SPTBN4: variants seen among roughly 807,000 people sequenced by gnomAD.
SPTBN4 encodes the protein spectrin beta, non-erythrocytic 4, also known as spectrin beta chain, non-erythrocytic 4.
A neutral mutation model predicts 277.8 loss-of-function variants in SPTBN4; 96 were observed. The observed-to-expected ratio is 0.35, with a 90% confidence interval of 0.29 to 0.41. SPTBN4 has a LOEUF of 0.41. Ranked by LOEUF, SPTBN4 falls within the 10% of genes least tolerant of loss-of-function variation. The probability of loss-of-function intolerance (pLI) is 1.00; values close to 1 mark genes in which losing one functional copy is unlikely to be tolerated. For synonymous variants in SPTBN4, 1,481 were observed against 1,580.3 expected (o/e 0.94, Z 1.49); for missense variants, 3,006 against 3,595.7 (o/e 0.84, Z 4.19).
At position 40,504,106 on chromosome 19, in the gene SPTBN4, A is replaced by C; in HGVS notation, c.1639A>C (p.Met547Leu). The C allele has an allele frequency of 7.7e-7, 1 of 1,302,720 alleles. No homozygotes were observed. The highest frequency in any genetic ancestry group is 1.0e-6 in the Non-Finnish European group (1 of 975,088). 80.7% of individuals were successfully genotyped at this position (1,302,720 alleles called of 1,614,324 possible). A position where few individuals can be genotyped will look rare whatever the true frequency, so the allele number is the denominator to read the frequency against. The change falls in exon 12 of 36, where the codon ATG becomes CTG. Residue 547 changes from methionine to leucine, a missense_variant. This residue lies in a region of SPTBN4 where 1,759 missense variants were observed against 2,061.5 expected (regional missense o/e 0.85). Transcript: ENST00000598249. ...LQKVFQEMVY[M>L]VDWMEEMQAQ... ...GAAGGTCTTCCAGGAGATGGTGTAC[A>C]TGGTGGACTGGATGGAGGAGATGCA...
At chr19:40,556,734 T>C (rs549682796) in intron 25 of SPTBN4, among the ~76,000 whole-genome samples, 5 of 152,172 alleles carry the variant, frequency 3.3e-5, no homozygotes, top group Admixed American at 6.5e-5. Flanking sequence ...GAGACCAGCC[T>C]GGCCAACATA....
chr19:40,570,838 G>A lies in SPTBN4; in HGVS notation c.7319+110G>A, dbSNP rs1270751765. 4 of 1,258,000 alleles carry A rather than the reference G, an allele frequency of 3.2e-6. 1 individual carries two copies. The South Asian group carries it at 6.7e-5, about 21-fold the overall frequency. 77.9% of individuals were successfully genotyped at this position (1,258,000 alleles called of 1,614,324 possible). On this transcript the variant is annotated intron_variant, in intron 33 of 35. Coordinates refer to ENST00000598249, the MANE Select transcript of SPTBN4 (RefSeq NM_020971.3). ...TGGCTCAACTTCAGGCCCTCCAGCAGGTGGCGGTAGTAGGTGGGGCCAGAG... is the reference window on the plus strand; with the variant it reads ...TGGCTCAACTTCAGGCCCTCCAGCAAGTGGCGGTAGTAGGTGGGGCCAGAG...
Position 40,513,429 on chromosome 19 carries a change from G to T in SPTBN4, c.2640G>T (p.Ala880=), listed in dbSNP as rs765110990. Residue 880 remains alanine (A), a synonymous_variant, in exon 14 of 36, where the codon GCG becomes GCT. Transcript: ENST00000598249. ...TGAGGCGCCAGTGGCTGCGGGACGC[G>T]CTCGCTGTCTACCGCATGTTTGGCG... ...AALRRQWLRD[A]LAVYRMFGEV... 6.2e-7 allele frequency: 1 copy of T among 1,603,418 alleles called. No homozygotes were observed.
rs932942008 is a variant in SPTBN4 at position 40,467,195 on chromosome 19, G to A, written c.-126G>A. 1.3e-5 allele frequency: 2 copies of A among 149,932 alleles called. No homozygotes were observed. Among genetic ancestry groups the A allele is most frequent in the Non-Finnish European group, 3.0e-5 (2 of 66,960 alleles). The allele number at this position is 149,932 out of a possible 1,614,324, so 9.3% of individuals were successfully genotyped here. A position where few individuals can be genotyped will look rare whatever the true frequency, so the allele number is the denominator to read the frequency against. On this transcript the variant is annotated 5_prime_UTR_variant, in exon 1 of 36. Transcript: ENST00000598249. ...CTGAGCCGCGGGCCGGCGGGGCCGA[G>A]CTGAGCCGGGCTGGGCCGGGCCGGG... is the stretch of plus-strand genomic sequence containing the variant.
chr19:40,570,169 C>T (rs1437810043), intron 32 of SPTBN4, among the ~76,000 whole-genome samples: 2 of 151,912 alleles, frequency 1.3e-5, no homozygotes, highest in East Asian at 1.9e-4. Flanking sequence ...AGTGGGGACA[C>T]GCCCTGCTTG....
Position 40,567,832 on chromosome 19 carries a change from C to T in SPTBN4, c.6506C>T (p.Ser2169Leu), listed in dbSNP as rs1182374672. 6.6e-6 allele frequency: 10 copies of T among 1,522,178 alleles called. No individual in the cohort carries two copies. Among genetic ancestry groups the T allele is most frequent in the South Asian group, 3.7e-5 (3 of 82,104 alleles). The allele number at this position is 1,522,178 out of a possible 1,614,324, so 94.3% of individuals were successfully genotyped here. A position where few individuals can be genotyped will look rare whatever the true frequency, so the allele number is the denominator to read the frequency against. ...PLARRASDTL[S>L]AEVRTRVGYV... ...GCCCGCCGAGCCTCGGACACGCTCT[C>T]GGCCGAGGTGCGGACTCGGGTGGGG... The change falls in exon 31 of 36, where the codon TCG (serine) becomes TTG (leucine). Residue 2169 changes from serine (S) to leucine (L), a missense_variant. Coordinates refer to ENST00000598249, the MANE Select transcript of SPTBN4 (RefSeq NM_020971.3).
intron 20 of SPTBN4, among the ~76,000 whole-genome samples, chr19:40,540,692 T>G (rs992245346): frequency 6.6e-6 from 1 of 151,566 alleles, no homozygotes; most frequent in African/African-American, 2.4e-5. Context: ...CACATGCCTG[T>G]GTTCCCAGCT....
intron 6 of SPTBN4, among the ~76,000 whole-genome samples, chr19:40,497,063 A>C: frequency 7.6e-6 from 1 of 130,798 alleles, no homozygotes. Flanking sequence ...ACAGAGCGAG[A>C]CTCCATCTCA....
chr19:40,498,378 TTTATTTA>T (rs1318039034), intron 7 of SPTBN4, among the ~76,000 whole-genome samples: 2 of 85,586 alleles, frequency 2.3e-5, no homozygotes, highest in African/African-American at 5.8e-5. Context: ...TTTTATTTTA[TTTATTTA>T]TTTATTTATT....
chr19:40,503,757 A>G lies in SPTBN4; in HGVS notation c.1363-73A>G. 5 of 1,475,718 alleles carry G rather than the reference A, an allele frequency of 3.4e-6. No homozygotes were observed. The South Asian group carries it at 6.7e-5, about 20-fold the overall frequency. The allele number at this position is 1,475,718 out of a possible 1,614,324, so 91.4% of individuals were successfully genotyped here. On this transcript the variant is annotated intron_variant, in intron 11 of 35. Coordinates refer to ENST00000598249, the MANE Select transcript of SPTBN4 (RefSeq NM_020971.3). The stretch of plus-strand genomic sequence containing the variant: ...CAAGGTAATGGAGTGGGGAGTCCCC[A>G]GGGTCACACAGGGTCAAGGTAACAG...
chr19:40,533,969 G>T, intron 19 of SPTBN4, 111 bp from the exon 20 acceptor site: 2 of 1,362,812 alleles, frequency 1.5e-6, no homozygotes, highest in Non-Finnish European at 9.8e-7. Context: ...CCCTGCCTCT[G>T]ATTCTCTTTT....
intron 33 of SPTBN4, 89 bp downstream of exon 33, chr19:40,570,817 T>C (rs994125867): frequency 7.2e-7 from 1 of 1,382,278 alleles, no homozygotes; most frequent in Non-Finnish European, 9.6e-7. Flanking sequence ...GGGGTGTGGC[T>C]CAACTTCAGG....
At chr19:40,509,085 C>CTTT (rs35597606) in intron 13 of SPTBN4, among the ~76,000 whole-genome samples, 17 of 100,218 alleles carry the variant, frequency 1.7e-4, no homozygotes, top group African/African-American at 5.7e-4. Context: ...TTGTTTATTG[C>CTTT]TTTTTTTTTT....
Position 40,554,684 on chromosome 19 carries a change from G to A in SPTBN4, c.5084+38G>A. 3 of 1,589,986 alleles carry A rather than the reference G, an allele frequency of 1.9e-6. No homozygotes were observed. The South Asian group carries it at 3.5e-5, about 18-fold the overall frequency. ...GTGGCCAGTTCACAGGAATGGTCCA[G>A]CAGGACCTGAAGCTTCGCTGTTGGG... is the stretch of plus-strand genomic sequence containing the variant. On this transcript the variant is annotated intron_variant, in intron 24 of 35. Transcript: ENST00000598249. The surrounding 1 kb of genome is among the most constrained non-coding windows in gnomAD (Gnocchi z 5.7).
intron 17 of SPTBN4, chr19:40,524,698 A>C (rs946378994): frequency 2.2e-6 from 1 of 444,500 alleles, no homozygotes; most frequent in Non-Finnish European, 4.5e-6. Flanking sequence ...TTGCATAAGC[A>C]CCTCTTCCTG....
intron 31 of SPTBN4, 54 bp from the exon 32 acceptor site, chr19:40,569,603 C>T: frequency 6.3e-7 from 1 of 1,588,972 alleles, no homozygotes; most frequent in Non-Finnish European, 8.6e-7. Context: ...CCAGACAGGT[C>T]CATGGGAGAA....
rs759686522 is a variant in SPTBN4, at chr19:40,567,967, C to T, written c.6641C>T (p.Ala2214Val). ...PAALPAAPED[A>V]AETPATPAAA... is the part of the protein sequence containing the mutation. ...GCCCTGCCGGCCGCACCAGAGGACG[C>T]GGCGGAGACCCCCGCGACCCCCGCG... The change falls in exon 31 of 36, where the codon GCG becomes GTG. Residue 2214 changes from alanine (A) to valine (V), a missense_variant. Transcript: ENST00000598249. 9 of 1,498,904 alleles carry T rather than the reference C, an allele frequency of 6.0e-6. No individual in the cohort carries two copies. The East Asian group carries it at 1.9e-4, about 31-fold the overall frequency. 92.9% of individuals were successfully genotyped at this position (1,498,904 alleles called of 1,614,324 possible).
At chr19:40,488,973 C>G (rs770155961) in intron 3 of SPTBN4, among the ~76,000 whole-genome samples, 5 of 151,778 alleles carry the variant, frequency 3.3e-5, no homozygotes, top group Non-Finnish European at 5.9e-5. Context: ...GAGACCCTGT[C>G]TCAAAAATAA....
Position 40,506,339 on chromosome 19 carries a change from G to A in SPTBN4, c.1769G>A (p.Arg590Gln), listed in dbSNP as rs1414794752. 11 of 1,613,950 alleles carry A rather than the reference G, an allele frequency of 6.8e-6. No homozygotes were observed. The highest frequency in any genetic ancestry group is 5.3e-5 in the African/African-American group (4 of 74,938). ...LEGDIAAQSE[R>Q]VEALNAAALR... ...GGAGACATTGCCGCCCAGAGCGAGC[G>A]GGTGGAGGCTCTCAATGCCGCTGCC... Residue 590 changes from arginine to glutamine, a missense_variant, in exon 13 of 36, where the codon CGG (arginine) becomes CAG (glutamine). This residue lies in a region of SPTBN4 where 1,759 missense variants were observed against 2,061.5 expected (regional missense o/e 0.85). Coordinates refer to ENST00000598249, the MANE Select transcript of SPTBN4 (RefSeq NM_020971.3).
Sources: gnomAD v4.1 joint callset for allele counts (sites outside exome capture counted in the v4.1 genomes callset) on GRCh38, gnomAD v4.1.1 for gene constraint, gnomAD v4.1.1 regional missense constraint, Gnocchi (gnomAD v3.1) non-coding constraint, MANE v1.5 for transcripts, NCBI Gene and HGNC (gene_info 2026-07-23, HGNC 2026-07-21) for gene names.